Variants in KIAA0319L observed in about 807,000 individuals in gnomAD.
KIAA0319L encodes the protein KIAA0319 like.
Under a neutral mutation model 120.1 loss-of-function variants are expected in KIAA0319L, and 55 were observed. The observed-to-expected ratio is 0.46, with a 90% CI of 0.37 to 0.57. KIAA0319L has a LOEUF of 0.57. Ranked by LOEUF, KIAA0319L falls within the 20% of genes least tolerant of loss-of-function variation. The pLI is 0.00. For missense variants in KIAA0319L, 1,049 were observed against 1,255.3 expected, an observed-to-expected ratio of 0.84 and a Z score of 2.48; for synonymous variants, 398 against 471.9, an observed-to-expected ratio of 0.84 and a Z score of 2.03.
chr1:35,436,877 G>A (rs1640835322), intron 20 of KIAA0319L, among the ~76,000 whole-genome samples: 1 of 152,072 alleles, frequency 6.6e-6, no homozygotes, highest in African/African-American at 2.4e-5. Flanking sequence ...GACCCACTCA[G>A]TTTACCCTTC....
chr1:35,470,053 A>T (rs944448574), intron 6 of KIAA0319L, among the ~76,000 whole-genome samples: 5 of 151,970 alleles, frequency 3.3e-5, no homozygotes, highest in African/African-American at 1.2e-4. Context: ...TTTTTTGTAG[A>T]GACAGGGTCT....
intron 3 of KIAA0319L, among the ~76,000 whole-genome samples, chr1:35,497,484 A>C (rs1388091779): frequency 1.3e-5 from 2 of 152,230 alleles, no homozygotes; most frequent in Admixed American, 1.3e-4. Flanking sequence ...CAGATTACAA[A>C]GCGGCAGAAG....
chr1:35,530,352 T>G (rs1646317193), intron 2 of KIAA0319L, among the ~76,000 whole-genome samples: 1 of 152,150 alleles, frequency 6.6e-6, no homozygotes, highest in African/African-American at 2.4e-5. Flanking sequence ...TTCTTCTGCT[T>G]TATCATCTAG....
intron 3 of KIAA0319L, among the ~76,000 whole-genome samples, chr1:35,484,794 ATATATATATATAT>A (rs1376036206): frequency 0.028 from 1,232 of 43,862 alleles, 47 homozygotes; most frequent in African/African-American, 0.14. Context: ...ATATATATAT[ATATATATATATAT>A]TTTTTTTTTT....
At chr1:35,508,957 C>A (rs1645314173) in intron 2 of KIAA0319L, among the ~76,000 whole-genome samples, 1 of 152,112 alleles carries the variant, frequency 6.6e-6, no homozygotes, top group East Asian at 1.9e-4. Context: ...CTTGCCTTCC[C>A]ACCATGAATA....
At chr1:35,541,243 T>TAA (rs1300572684) in intron 2 of KIAA0319L, among the ~76,000 whole-genome samples, 1 of 151,698 alleles carries the variant, frequency 6.6e-6, no homozygotes, top group Non-Finnish European at 1.5e-5. Context: ...CGCCTGGTCT[T>TAA]ACCACTGCAT....
At chr1:35,526,499 G>A (rs1294411347) in intron 2 of KIAA0319L, among the ~76,000 whole-genome samples, 1 of 149,854 alleles carries the variant, frequency 6.7e-6, no homozygotes, top group Non-Finnish European at 1.5e-5. Flanking sequence ...AGGCTGGAGT[G>A]TAGTGGTCCA....
Position 35,504,746 on chromosome 1 carries a change from GC to G in KIAA0319L, c.666+1865del, listed in dbSNP as rs536706024. Among the ~76,000 whole-genome samples the G allele has an allele frequency of 1.2e-3, 189 of 152,132 alleles. 1 individual carries two copies. Among genetic ancestry groups the G allele is most frequent in the African/African-American group, 4.4e-3 (182 of 41,482 alleles). Reference sequence around the variant, plus strand: ...CCCTTTCCAGTCTACTCACCACATAGCCACTATCTGATTATGTCATTCCCTA... The same window carrying G: ...CCCTTTCCAGTCTACTCACCACATAGCACTATCTGATTATGTCATTCCCTA... On this transcript the variant is annotated intron_variant, in intron 3 of 20. Transcript: ENST00000325722.
chr1:35,452,018 G>A (rs907280491), intron 12 of KIAA0319L, among the ~76,000 whole-genome samples: 4 of 152,214 alleles, frequency 2.6e-5, no homozygotes, highest in African/African-American at 4.8e-5. Flanking sequence ...TCCTTTATAT[G>A]AGCTTCTAGA....
At chr1:35,510,437 G>C (rs1371427645) in intron 2 of KIAA0319L, 3 of 149,492 alleles carry the variant, frequency 2.0e-5, no homozygotes, top group African/African-American at 5.0e-5. Flanking sequence ...CAAGGCGTGA[G>C]CCACCACGCC....
At position 35,506,727 on chromosome 1, in the gene KIAA0319L, C is replaced by T; in HGVS notation, c.551G>A (p.Arg184Lys). 1.2e-6 allele frequency: 2 copies of T among 1,614,176 alleles called. No homozygotes were observed. The highest frequency in any genetic ancestry group is 1.1e-5 in the South Asian group (1 of 91,082). Residue 184 changes from arginine to lysine, a missense_variant, in exon 3 of 21, where the codon AGG (arginine) becomes AAG (lysine). Physicochemically the swap from Arg to Lys is conservative, Grantham distance 26. Coordinates refer to ENST00000325722, the MANE Select transcript of KIAA0319L (RefSeq NM_024874.5). The surrounding 1 kb of genome is among the most constrained non-coding windows in gnomAD (Gnocchi z 4.0). Reference sequence around the variant, plus strand: ...GGGACTACCTCTCTTCTGAAGCTTCCTGATTAAGCTCTGCTGGTCACTGGA... The same window carrying T: ...GGGACTACCTCTCTTCTGAAGCTTCTTGATTAAGCTCTGCTGGTCACTGGA... The part of the protein sequence containing the change: ...VSSSDQQSLI[R>K]KLQKRGSPSD...
intron 3 of KIAA0319L, among the ~76,000 whole-genome samples, chr1:35,503,831 A>G (rs777798917): frequency 2.6e-5 from 4 of 151,952 alleles, no homozygotes; most frequent in Non-Finnish European, 4.4e-5. Context: ...AAGGATGCCT[A>G]TAAGATGATC....
Position 35,456,106 on chromosome 1 carries a change from G to T in KIAA0319L, c.1563C>A (p.Thr521=). The T allele has an allele frequency of 6.2e-7, 1 of 1,614,050 alleles. No individual in the cohort carries two copies. Among genetic ancestry groups the T allele is most frequent in the African/African-American group, 1.3e-5 (1 of 75,006 alleles). Residue 521 remains threonine (T), a synonymous_variant, in exon 10 of 21, where the codon ACC becomes ACA. Coordinates refer to ENST00000325722, the MANE Select transcript of KIAA0319L (RefSeq NM_024874.5). ...CATCAGTGCTCTGGTTCCCAAAGAG[G>T]GTGATGGAGTTTTGGGGCAGGGTGA... ...QVITLPQNSI[T]LFGNQSTDDH...
At position 35,435,086 on chromosome 1, in the gene KIAA0319L, A is replaced by T. The variant is rs1640675133; in HGVS notation, c.2963-5T>A. 6.2e-7 allele frequency: 1 copy of T among 1,612,804 alleles called. No homozygotes were observed. Among genetic ancestry groups the T allele is most frequent in the African/African-American group, 1.3e-5 (1 of 74,892 alleles). ...AAAGGCCTTTCTGTTTGATGCCTGCAGGGAAAACAAGGAATCCAGCATCAG... is the reference window on the plus strand; with the variant it reads ...AAAGGCCTTTCTGTTTGATGCCTGCTGGGAAAACAAGGAATCCAGCATCAG... On this transcript the variant is annotated splice_polypyrimidine_tract_variant and splice_region_variant and intron_variant, in intron 20 of 20. Transcript: ENST00000325722.
At chr1:35,534,878 A>AG (rs1558626678) in intron 2 of KIAA0319L, among the ~76,000 whole-genome samples, 1 of 147,470 alleles carries the variant, frequency 6.8e-6, no homozygotes, top group East Asian at 1.9e-4. Flanking sequence ...AAAAAAAAAA[A>AG]AAAAAGAAAG....
intron 2 of KIAA0319L, among the ~76,000 whole-genome samples, chr1:35,539,661 G>T (rs1646717056): frequency 6.6e-6 from 1 of 152,196 alleles, no homozygotes; most frequent in Non-Finnish European, 1.5e-5. Flanking sequence ...GATGGAAGCT[G>T]GCTCTTCAGC....
At chr1:35,450,226 C>G in intron 14 of KIAA0319L, 132 bp downstream of exon 14, 1 of 1,102,362 alleles carries the variant, frequency 9.1e-7, no homozygotes, top group Non-Finnish European at 1.3e-6. Flanking sequence ...AAGCAAGTCA[C>G]TTCACCTCCC....
intron 2 of KIAA0319L, among the ~76,000 whole-genome samples, chr1:35,541,047 T>TC (rs1290776821): frequency 1.3e-5 from 2 of 152,034 alleles, no homozygotes; most frequent in Non-Finnish European, 2.9e-5. Flanking sequence ...GCTCGAGCGA[T>TC]CCTCTTACCT....
At chr1:35,526,301 G>A (rs547886547) in intron 2 of KIAA0319L, among the ~76,000 whole-genome samples, 3 of 144,744 alleles carry the variant, frequency 2.1e-5, no homozygotes, top group Admixed American at 7.0e-5. Context: ...ACATATATAT[G>A]TACATATATA....
Sources: allele counts gnomAD v4.1 joint callset (sites outside exome capture counted in the v4.1 genomes callset), GRCh38; gene constraint gnomAD v4.1.1; non-coding constraint Gnocchi (gnomAD v3.1); transcripts MANE v1.5; gene names NCBI Gene and HGNC (gene_info 2026-07-23, HGNC 2026-07-21).